Variants in ZHX2 observed in about 807,000 individuals in gnomAD.
The protein encoded by ZHX2 is zinc fingers and homeoboxes protein 2.
Under a neutral mutation model 21.9 loss-of-function variants are expected in ZHX2, and 6 were observed. The observed-to-expected ratio is 0.27, with a 90% CI of 0.15 to 0.54. The LOEUF (loss-of-function observed/expected upper bound fraction) is 0.54, where lower values mean the gene tolerates loss of function less well. ZHX2 is among the 20% of genes least tolerant of loss of function. ZHX2 has a pLI of 0.95. For synonymous variants in ZHX2, 434 were observed against 437.1 expected, an observed-to-expected ratio of 0.99 and a Z score of 0.09; for missense variants, 908 against 1,090.7, an observed-to-expected ratio of 0.83 and a Z score of 2.36.
rs1256981250 is a variant in ZHX2, at chr8:122,830,226, A to G, written c.-282-33251A>G. Among the ~76,000 whole-genome samples, 4 of 152,186 alleles carry G rather than the reference A, an allele frequency of 2.6e-5. 1 individual carries two copies. The highest frequency in any genetic ancestry group is 1.3e-4 in the Admixed American group (2 of 15,278). On this transcript the variant is annotated intron_variant, in intron 1 of 3. Coordinates refer to ENST00000314393, the MANE Select transcript of ZHX2 (RefSeq NM_014943.5). ...GGATTTATAGTGTCCTGTAAACAGGAAGTGTCCTAGTCTGATGTAACTGCT... is the reference window on the plus strand; with the variant it reads ...GGATTTATAGTGTCCTGTAAACAGGGAGTGTCCTAGTCTGATGTAACTGCT...
In ZHX2 at chr8:122,953,877, C is replaced by T; in HGVS notation, c.2367C>T (p.Ser789=). 5 of 1,614,134 alleles carry T rather than the reference C, an allele frequency of 3.1e-6. No individual in the cohort carries two copies. Among genetic ancestry groups the T allele is most frequent in the African/African-American group, 1.3e-5 (1 of 75,036 alleles). Residue 789 remains serine, a synonymous_variant, in exon 3 of 4, where the codon AGC becomes AGT. Transcript: ENST00000314393. The surrounding 1 kb of genome is among the most constrained non-coding windows in gnomAD (Gnocchi z 4.6). ...GQGSDENEES[S]VVDYVEVTVG... ...GTAGCGACGAGAACGAGGAGTCGAG[C>T]GTTGTGGATTACGTGGAGGTGACGG...
At chr8:122,819,181 A>G (rs1280350195) in intron 1 of ZHX2, among the ~76,000 whole-genome samples, 1 of 152,216 alleles carries the variant, frequency 6.6e-6, no homozygotes, top group Non-Finnish European at 1.5e-5. Context: ...CAGGCAACTG[A>G]GAAGAGCCAG....
intron 1 of ZHX2, among the ~76,000 whole-genome samples, chr8:122,821,534 A>C (rs1376032171): frequency 2.8e-5 from 4 of 143,036 alleles, no homozygotes; most frequent in Non-Finnish European, 4.6e-5. Context: ...CAAACACTTA[A>C]AAAAAAAAAA....
chr8:122,922,201 T>G (rs1820756268), intron 2 of ZHX2, among the ~76,000 whole-genome samples: 1 of 151,578 alleles, frequency 6.6e-6, no homozygotes, highest in South Asian at 2.1e-4. Context: ...TTTCTTAGAC[T>G]TCTCCCAGCA....
intron 1 of ZHX2, among the ~76,000 whole-genome samples, chr8:122,795,919 C>T (rs1242162572): frequency 1.3e-5 from 2 of 152,088 alleles, no homozygotes; most frequent in African/African-American, 4.8e-5. Flanking sequence ...GCCTGTAATC[C>T]CAGCACTTTG....
intron 1 of ZHX2, chr8:122,810,481 CAAG>C (rs1446825202): frequency 2.0e-5 from 3 of 152,142 alleles, no homozygotes; most frequent in Admixed American, 2.0e-4. Context: ...TCTCAGCAGA[CAAG>C]AAGAATGGAG....
intron 3 of ZHX2, among the ~76,000 whole-genome samples, chr8:122,954,693 CA>C (rs1813247235): frequency 6.6e-6 from 1 of 152,160 alleles, no homozygotes; most frequent in African/African-American, 2.4e-5. Flanking sequence ...AGGCTGTGCC[CA>C]GGGGGCAGCA....
At chr8:122,912,957 G>A (rs58470324) in intron 2 of ZHX2, among the ~76,000 whole-genome samples, 10,393 of 152,058 alleles carry the variant, frequency 0.068, 509 homozygotes, top group Middle Eastern at 0.17. Flanking sequence ...AGAGTCATGC[G>A]ACCATCACCA....
chr8:122,964,375 T>C (rs1450832245), intron 3 of ZHX2, among the ~76,000 whole-genome samples: 1 of 152,154 alleles, frequency 6.6e-6, no homozygotes, highest in African/African-American at 2.4e-5. Flanking sequence ...TTTTGTCAAA[T>C]GCTTTTTCTG....
chr8:122,817,652 C>G (rs1232165533), intron 1 of ZHX2, among the ~76,000 whole-genome samples: 1 of 152,246 alleles, frequency 6.6e-6, no homozygotes, highest in South Asian at 2.1e-4. Context: ...ATCCTGCACA[C>G]TAAAATACCA....
At chr8:122,921,212 G>A (rs950713875) in intron 2 of ZHX2, among the ~76,000 whole-genome samples, 1 of 152,154 alleles carries the variant, frequency 6.6e-6, no homozygotes, top group Non-Finnish European at 1.5e-5. Context: ...CTCCTGAGTA[G>A]ATGAGATTAC....
At chr8:122,841,209 C>A (rs1214028702) in intron 1 of ZHX2, among the ~76,000 whole-genome samples, 1 of 152,152 alleles carries the variant, frequency 6.6e-6, no homozygotes, top group Non-Finnish European at 1.5e-5. Context: ...ACCACTAGCC[C>A]TAATGAGAAC....
At chr8:122,796,140 C>T (rs893506777) in intron 1 of ZHX2, among the ~76,000 whole-genome samples, 4 of 147,570 alleles carry the variant, frequency 2.7e-5, no homozygotes, top group South Asian at 2.1e-4. Flanking sequence ...CACTGCACTC[C>T]AGCCTGCACA....
chr8:122,967,425 GTCTA>G (rs1216212030), intron 3 of ZHX2, among the ~76,000 whole-genome samples: 1 of 152,140 alleles, frequency 6.6e-6, no homozygotes, highest in Non-Finnish European at 1.5e-5. Context: ...GCCCTTCTGG[GTCTA>G]GCCACCCAGT....
intron 1 of ZHX2, among the ~76,000 whole-genome samples, chr8:122,840,024 A>G (rs952045016): frequency 6.6e-6 from 1 of 152,168 alleles, no homozygotes; most frequent in African/African-American, 2.4e-5. Flanking sequence ...TGACCCCAGC[A>G]GAAGAGGCTG....
At chr8:122,924,782 A>T (rs1820814072) in intron 2 of ZHX2, among the ~76,000 whole-genome samples, 1 of 152,224 alleles carries the variant, frequency 6.6e-6, no homozygotes, top group Non-Finnish European at 1.5e-5. Context: ...CCAGACAGAG[A>T]AAAAATGGTC....
Position 122,823,392 on chromosome 8 carries a change from G to A in ZHX2, c.-282-40085G>A, listed in dbSNP as rs533804063. On this transcript the variant is annotated intron_variant, in intron 1 of 3. Coordinates refer to ENST00000314393, the MANE Select transcript of ZHX2 (RefSeq NM_014943.5). ...GGTTAAATGTACTCTCCATCTTCAT[G>A]AACCCTGCAGAATCAGCGTGAATCC... 5.3e-5 allele frequency among the ~76,000 whole-genome samples: 8 copies of A among 152,314 alleles called. No homozygotes were observed. The South Asian group carries it at 1.5e-3, about 28-fold the overall frequency.
At chr8:122,920,438 C>A (rs1477299294) in intron 2 of ZHX2, among the ~76,000 whole-genome samples, 1 of 151,808 alleles carries the variant, frequency 6.6e-6, no homozygotes, top group Non-Finnish European at 1.5e-5. Flanking sequence ...GTGTACAATT[C>A]TATGAGTTTT....
intron 2 of ZHX2, among the ~76,000 whole-genome samples, chr8:122,919,311 G>C (rs150197671): frequency 6.6e-6 from 1 of 152,232 alleles, no homozygotes; most frequent in Admixed American, 6.5e-5. Context: ...TCGGTGCACA[G>C]TAGATGACAG....
Sources: allele counts gnomAD v4.1 joint callset (sites outside exome capture counted in the v4.1 genomes callset), GRCh38; gene constraint gnomAD v4.1.1; non-coding constraint Gnocchi (gnomAD v3.1); transcripts MANE v1.5; gene names NCBI Gene and HGNC (gene_info 2026-07-23, HGNC 2026-07-21).